Variants in TULP4 observed in about 807,000 individuals in gnomAD.
TULP4 encodes the protein tubby-related protein 4.
A neutral mutation model predicts 129.0 loss-of-function variants in TULP4; 16 were observed. The observed-to-expected ratio is 0.12, with a 90% confidence interval of 0.08 to 0.19. The LOEUF (loss-of-function observed/expected upper bound fraction) is 0.19, where lower values mean the gene tolerates loss of function less well. TULP4 is among the 10% of genes least tolerant of loss of function. The pLI, the probability that TULP4 is intolerant of heterozygous loss-of-function variation, is 1.00. For synonymous variants in TULP4, 998 were observed against 854.0 expected (o/e 1.17, Z -2.94); for missense variants, 1,842 against 2,059.1 (o/e 0.89, Z 2.04).
At chr6:158,456,870 C>G (rs1779304118) in intron 5 of TULP4, among the ~76,000 whole-genome samples, 1 of 151,970 alleles carries the variant, frequency 6.6e-6, no homozygotes, top group South Asian at 2.1e-4. Flanking sequence ...TACCAAAACA[C>G]CATACTTGGG....
intron 1 of TULP4, among the ~76,000 whole-genome samples, chr6:158,240,052 C>A (rs1583665529): frequency 6.9e-5 from 7 of 101,146 alleles, no homozygotes; most frequent in East Asian, 3.4e-4. Context: ...CTGACCCCCC[C>A]ACCTCCCTCC....
At chr6:158,400,620 T>C (rs1210615197) in intron 1 of TULP4, among the ~76,000 whole-genome samples, 4 of 152,154 alleles carry the variant, frequency 2.6e-5, no homozygotes, top group Non-Finnish European at 5.9e-5. Flanking sequence ...GTAGAAAAAA[T>C]GTCACCTCTG....
At chr6:158,308,555 T>G (rs1779261424), upstream of TULP4, among the ~76,000 whole-genome samples, 1 of 151,478 alleles carries the variant, frequency 6.6e-6, no homozygotes, top group Admixed American at 6.6e-5. Context: ...GCAGAGGGGC[T>G]CTTCACTTCC....
chr6:158,398,215 G>T (rs923283720), intron 1 of TULP4, among the ~76,000 whole-genome samples: 1 of 152,152 alleles, frequency 6.6e-6, no homozygotes, highest in Admixed American at 6.5e-5. Context: ...ACCAGCCATA[G>T]GCCTTTTGCC....
chr6:158,386,735 C>T (rs543712944), intron 1 of TULP4, among the ~76,000 whole-genome samples: 117 of 152,146 alleles, frequency 7.7e-4, no homozygotes, highest in African/African-American at 2.7e-3. Context: ...GACTTTACCA[C>T]TTGCTAGCTG....
chr6:158,457,442 G>C (rs1779316863), intron 5 of TULP4, among the ~76,000 whole-genome samples: 1 of 152,088 alleles, frequency 6.6e-6, no homozygotes, highest in Non-Finnish European at 1.5e-5. Flanking sequence ...GCTTGGCCGT[G>C]GTTTGCTGAG....
intron 6 of TULP4, among the ~76,000 whole-genome samples, chr6:158,470,244 G>A (rs1001405376): frequency 3.9e-5 from 6 of 152,188 alleles, no homozygotes; most frequent in African/African-American, 7.2e-5. Context: ...GGTCTGCGAC[G>A]GCGGCAAACA....
intron 1 of TULP4, among the ~76,000 whole-genome samples, chr6:158,252,940 T>C (rs1428784906): frequency 6.6e-6 from 1 of 152,204 alleles, no homozygotes; most frequent in Admixed American, 6.5e-5. Flanking sequence ...TTCACACACA[T>C]ATGGTAATTT....
intron 1 of TULP4, among the ~76,000 whole-genome samples, chr6:158,332,139 T>C (rs1779910401): frequency 7.3e-6 from 1 of 137,670 alleles, no homozygotes; most frequent in Non-Finnish European, 1.5e-5. Context: ...GCCACTGCAC[T>C]TCAGCCTGGT....
intron 3 of TULP4, among the ~76,000 whole-genome samples, chr6:158,446,849 G>T (rs1028150797): frequency 6.6e-6 from 1 of 152,160 alleles, no homozygotes; most frequent in African/African-American, 2.4e-5. Flanking sequence ...GCAAGCTGGG[G>T]TCTCTCATAC....
chr6:158,429,346 C>T (rs997440655), intron 2 of TULP4, among the ~76,000 whole-genome samples: 6 of 152,256 alleles, frequency 3.9e-5, no homozygotes, highest in African/African-American at 1.4e-4. Flanking sequence ...ACCATGTTAA[C>T]CAGGCTGGTC....
At chr6:158,321,409 A>G (rs1166985502) in intron 1 of TULP4, among the ~76,000 whole-genome samples, 1 of 151,822 alleles carries the variant, frequency 6.6e-6, no homozygotes, top group African/African-American at 2.4e-5. Context: ...GACTCCAGAT[A>G]CCTCTCTCTG....
chr6:158,387,152 TGTAA>T (rs564879452), intron 1 of TULP4, among the ~76,000 whole-genome samples: 120 of 152,242 alleles, frequency 7.9e-4, no homozygotes, highest in African/African-American at 2.8e-3. Flanking sequence ...ACAGCAGCAC[TGTAA>T]GTGTGATGGC....
In TULP4 at chr6:158,424,364, C is replaced by G. The variant is rs552272363; in HGVS notation, c.382-5372C>G. On this transcript the variant is annotated intron_variant, in intron 2 of 13. Coordinates refer to ENST00000367097, the MANE Select transcript of TULP4 (RefSeq NM_020245.5). The stretch of plus-strand genomic sequence containing the variant: ...TCCCAGATTCAAGTGATTCTCCCGA[C>G]TCAGCCTCCTGAGTAGCTGGGACTA... Among the ~76,000 whole-genome samples, 9 of 152,304 alleles carry G rather than the reference C, an allele frequency of 5.9e-5. No homozygotes were observed. In the East Asian group the frequency reaches 1.7e-3, roughly 29 times the overall value.
chr6:158,256,085 C>T (rs1015173947), intron 1 of TULP4, among the ~76,000 whole-genome samples: 2 of 152,156 alleles, frequency 1.3e-5, no homozygotes, highest in African/African-American at 4.8e-5. Context: ...TCTCTAGTTA[C>T]TTAAGCTACT....
At chr6:158,462,747 CTTTTT>C (rs56829575) in intron 6 of TULP4, among the ~76,000 whole-genome samples, 54,396 of 127,664 alleles carry the variant, frequency 0.43, 12,188 homozygotes, top group African/African-American at 0.62. Flanking sequence ...TTTTTTTTTC[CTTTTT>C]TTTTTTTTTT....
chr6:158,438,209 T>C (rs1778793543), intron 3 of TULP4: 1 of 152,242 alleles, frequency 6.6e-6, no homozygotes, highest in Non-Finnish European at 1.5e-5. Context: ...ATTTGCTTTT[T>C]TATCCTTTCT....
chr6:158,421,151 A>C (rs1461629504), intron 2 of TULP4, among the ~76,000 whole-genome samples: 2 of 152,020 alleles, frequency 1.3e-5, no homozygotes, highest in African/African-American at 4.8e-5. Flanking sequence ...CACGAGGTCA[A>C]GAGATCAAGA....
intron 1 of TULP4, among the ~76,000 whole-genome samples, chr6:158,365,628 C>T (rs1008218861): frequency 6.6e-6 from 1 of 151,550 alleles, no homozygotes; most frequent in Non-Finnish European, 1.5e-5. Flanking sequence ...AGGTGCCCGC[C>T]ACCATGCCCA....
Sources: gnomAD v4.1 joint callset for allele counts (sites outside exome capture counted in the v4.1 genomes callset) on GRCh38, gnomAD v4.1.1 for gene constraint, MANE v1.5 for transcripts, NCBI Gene and HGNC (gene_info 2026-07-23, HGNC 2026-07-21) for gene names.